Variants in MAP3K5 observed in about 807,000 individuals in gnomAD.
MAP3K5 encodes the protein ASK-1.
In MAP3K5, 56 loss-of-function variants were observed where a neutral mutation model predicts 158.7. The observed-to-expected ratio is 0.35, with a 90% CI of 0.28 to 0.44. The LOEUF is 0.44. Ranked by LOEUF, MAP3K5 falls within the 20% of genes least tolerant of loss-of-function variation. MAP3K5 has a pLI of 1.00. For missense variants in MAP3K5, 1,294 were observed against 1,674.8 expected (o/e 0.77, Z 3.97); for synonymous variants, 579 against 601.7 (o/e 0.96, Z 0.55).
At chr6:136,667,865 T>C (rs949867046) in intron 8 of MAP3K5, among the ~76,000 whole-genome samples, 1 of 151,672 alleles carries the variant, frequency 6.6e-6, no homozygotes, top group Non-Finnish European at 1.5e-5. Flanking sequence ...AAAAAATTAT[T>C]TCAAACAGAC....
intron 2 of MAP3K5, among the ~76,000 whole-genome samples, chr6:136,708,336 G>A (rs1406065810): frequency 1.3e-5 from 2 of 151,908 alleles, no homozygotes; most frequent in Admixed American, 1.3e-4. Flanking sequence ...GCTCACTGCA[G>A]CCTCAACTTC....
intron 21 of MAP3K5, among the ~76,000 whole-genome samples, chr6:136,594,663 T>G (rs1775541945): frequency 6.6e-6 from 1 of 152,220 alleles, no homozygotes; most frequent in African/African-American, 2.4e-5. Flanking sequence ...TTTTATGAGA[T>G]GCATGCCACA....
chr6:136,664,402 G>A (rs1351327288), intron 8 of MAP3K5, among the ~76,000 whole-genome samples: 1 of 152,006 alleles, frequency 6.6e-6, no homozygotes, highest in Admixed American at 6.5e-5. Flanking sequence ...GAAATAAAGT[G>A]CACAATAAAT....
intron 1 of MAP3K5, among the ~76,000 whole-genome samples, chr6:136,736,885 C>T (rs1219224060): frequency 6.6e-6 from 1 of 151,086 alleles, no homozygotes. Context: ...GCTAATTGGC[C>T]CAGGCTGGTC....
At chr6:136,695,813 G>T in intron 6 of MAP3K5, 138 bp downstream of exon 6, 1 of 470,832 alleles carries the variant, frequency 2.1e-6, no homozygotes. Flanking sequence ...TATATTTCAT[G>T]GGGCTGAAGC....
chr6:136,595,786 G>T (rs1486641972), intron 21 of MAP3K5, among the ~76,000 whole-genome samples: 1 of 152,138 alleles, frequency 6.6e-6, no homozygotes, highest in Non-Finnish European at 1.5e-5. Context: ...GGAGGCTGAG[G>T]CAGGAGGATT....
intron 1 of MAP3K5, among the ~76,000 whole-genome samples, chr6:136,727,979 AG>A (rs1453584957): frequency 1.3e-5 from 2 of 148,218 alleles, no homozygotes; most frequent in East Asian, 3.9e-4. Context: ...AAAAAAAAAA[AG>A]AAATTTAAGA....
At chr6:136,708,937 C>T (rs148053225) in intron 2 of MAP3K5, among the ~76,000 whole-genome samples, 2 of 152,284 alleles carry the variant, frequency 1.3e-5, no homozygotes, top group African/African-American at 4.8e-5. Flanking sequence ...GAAATGCCCT[C>T]TCCGTCCTCT....
intron 1 of MAP3K5, among the ~76,000 whole-genome samples, chr6:136,735,812 G>A (rs906244385): frequency 6.6e-6 from 1 of 152,132 alleles, no homozygotes; most frequent in Non-Finnish European, 1.5e-5. Context: ...CCGGGTGACA[G>A]AGCACGAACC....
chr6:136,759,831 G>GA (rs1308165262), intron 1 of MAP3K5, among the ~76,000 whole-genome samples: 3 of 139,648 alleles, frequency 2.1e-5, no homozygotes, highest in African/African-American at 8.1e-5. Context: ...GGCTGAGTCT[G>GA]AAAAAAGAGT....
At chr6:136,655,821 C>A (rs1035001693) in intron 10 of MAP3K5, among the ~76,000 whole-genome samples, 4 of 152,072 alleles carry the variant, frequency 2.6e-5, no homozygotes, top group Admixed American at 6.6e-5. Flanking sequence ...AGTCATTTCC[C>A]ATGGTCTAAA....
chr6:136,740,261 C>T (rs1273685209), intron 1 of MAP3K5, among the ~76,000 whole-genome samples: 4 of 152,134 alleles, frequency 2.6e-5, no homozygotes, highest in East Asian at 1.9e-4. Context: ...GGGCTGGGGA[C>T]GGGGGAGGTG....
chr6:136,644,421 C>G (rs369762085), intron 11 of MAP3K5, among the ~76,000 whole-genome samples: 10 of 152,210 alleles, frequency 6.6e-5, no homozygotes, highest in African/African-American at 2.2e-4. Flanking sequence ...AGGCCAAACG[C>G]AGCGCTAGCT....
rs1166875739 is a variant in MAP3K5 at position 136,792,433 on chromosome 6, G to A, written c.-276C>T. On this transcript the variant is annotated 5_prime_UTR_variant, in exon 1 of 30. Transcript: ENST00000359015. The surrounding 1 kb of genome is among the most constrained non-coding windows in gnomAD (Gnocchi z 5.7). ...AGGGGTGGGGAAGCCGGGTGAGCGGGAAGGGACGGAGCTTCCTTTTCTTGG... is the reference window on the plus strand; with the variant it reads ...AGGGGTGGGGAAGCCGGGTGAGCGGAAAGGGACGGAGCTTCCTTTTCTTGG... The A allele has an allele frequency of 1.3e-5, 12 of 953,330 alleles. No individual in the cohort carries two copies. Among genetic ancestry groups the A allele is most frequent in the Non-Finnish European group, 1.2e-5 (10 of 800,890 alleles). The allele number at this position is 953,330 out of a possible 1,614,324, so 59.1% of individuals were successfully genotyped here. A position where few individuals can be genotyped will look rare whatever the true frequency, so the allele number is the denominator to read the frequency against.
At chr6:136,640,241 A>G (rs1408953950) in intron 12 of MAP3K5, among the ~76,000 whole-genome samples, 2 of 152,248 alleles carry the variant, frequency 1.3e-5, no homozygotes, top group East Asian at 1.9e-4. Flanking sequence ...CAGGCCAGAT[A>G]GTAAAATACT....
At chr6:136,768,264 AAAAC>A (rs1479579332) in intron 1 of MAP3K5, among the ~76,000 whole-genome samples, 1 of 152,266 alleles carries the variant, frequency 6.6e-6, no homozygotes, top group Non-Finnish European at 1.5e-5. Flanking sequence ...AAGAAAATGA[AAAAC>A]AACCCACAAG....
At chr6:136,633,998 T>A (rs1777498648) in intron 14 of MAP3K5, among the ~76,000 whole-genome samples, 2 of 152,248 alleles carry the variant, frequency 1.3e-5, no homozygotes, top group African/African-American at 4.8e-5. Context: ...TGTGTTCAGA[T>A]GATCTCTAAA....
intron 1 of MAP3K5, among the ~76,000 whole-genome samples, chr6:136,776,514 G>C: frequency 6.6e-6 from 1 of 152,106 alleles, no homozygotes; most frequent in Non-Finnish European, 1.5e-5. Flanking sequence ...CAAAGTGCTG[G>C]GATTATAGGC....
chr6:136,564,819 A>G (rs2129069130), intron 26 of MAP3K5, among the ~76,000 whole-genome samples: 1 of 152,346 alleles, frequency 6.6e-6, no homozygotes. Context: ...GTATGCGTCT[A>G]TAACAATAGC....
Sources: allele counts gnomAD v4.1 joint callset (sites outside exome capture counted in the v4.1 genomes callset), GRCh38; gene constraint gnomAD v4.1.1; non-coding constraint Gnocchi (gnomAD v3.1); transcripts MANE v1.5; gene names NCBI Gene and HGNC (gene_info 2026-07-23, HGNC 2026-07-21).